STARD13: variants seen among roughly 807,000 people sequenced by gnomAD.
STARD13 encodes the protein StAR related lipid transfer domain containing 13.
Under a neutral mutation model 106.4 loss-of-function variants are expected in STARD13, and 62 were observed. The ratio of observed to expected loss-of-function variants is 0.58; its 90% CI spans 0.48 to 0.72. The LOEUF is 0.72. Among genes scored for constraint, STARD13 ranks in the 30% least tolerant of loss-of-function variants. The probability of loss-of-function intolerance (pLI) is 0.00; values close to 1 mark genes in which losing one functional copy is unlikely to be tolerated. For synonymous variants in STARD13, 565 were observed against 553.0 expected, an observed-to-expected ratio of 1.02 and a Z score of -0.31; for missense variants, 1,387 against 1,424.0, an observed-to-expected ratio of 0.97 and a Z score of 0.42.
intron 1 of STARD13, among the ~76,000 whole-genome samples, chr13:33,262,116 G>T (rs1334346428): frequency 6.6e-6 from 1 of 152,180 alleles, no homozygotes; most frequent in Non-Finnish European, 1.5e-5. Flanking sequence ...TTTCACTGGA[G>T]ATAACATTTG....
chr13:33,285,670 G>A lies in STARD13; in HGVS notation c.-32C>T. The A allele has an allele frequency of 6.2e-7, 1 of 1,608,158 alleles. No homozygotes were observed. The highest frequency in any genetic ancestry group is 8.5e-7 in the Non-Finnish European group (1 of 1,178,002). ...AGATTTCCTATTGCCACCTCAGTCT[G>A]CCTGTGGCTGTTGCCGTCTGTCTCC... is the stretch of plus-strand genomic sequence containing the variant. On this transcript the variant is annotated 5_prime_UTR_variant, in exon 1 of 14. Transcript: ENST00000336934.
intron 1 of STARD13, among the ~76,000 whole-genome samples, chr13:33,298,874 T>G (rs2138456738): frequency 6.6e-6 from 1 of 152,330 alleles, no homozygotes; most frequent in Non-Finnish European, 1.5e-5. Context: ...AAACTCTCTT[T>G]ATAGCTATCC....
chr13:33,421,281 A>G, the STARD13 span, among the ~76,000 whole-genome samples: 1 of 152,380 alleles, frequency 6.6e-6, no homozygotes, highest in Non-Finnish European at 1.5e-5. Context: ...CTGATCCCAC[A>G]GAAATATGAA....
chr13:33,440,767 ATTTTTTTTT>A, the STARD13 span, among the ~76,000 whole-genome samples: 5 of 60,100 alleles, frequency 8.3e-5, no homozygotes, highest in Non-Finnish European at 1.2e-4. Flanking sequence ...GAAAACAGCG[ATTTTTTTTT>A]TTTTTTTTTT....
intron 1 of STARD13, among the ~76,000 whole-genome samples, chr13:33,170,700 A>G (rs1241375653): frequency 6.6e-6 from 1 of 151,992 alleles, no homozygotes; most frequent in Non-Finnish European, 1.5e-5. Context: ...CCTATACCCA[A>G]CTTGCCATTC....
the STARD13 span, among the ~76,000 whole-genome samples, chr13:33,547,269 C>G: frequency 6.6e-6 from 1 of 152,122 alleles, no homozygotes; most frequent in Admixed American, 6.5e-5. Flanking sequence ...TAAATATGTT[C>G]CTATGCCAGG....
intron 1 of STARD13, among the ~76,000 whole-genome samples, chr13:33,303,043 C>A (rs1309282092): frequency 6.6e-6 from 1 of 152,192 alleles, no homozygotes. Context: ...CCTGCTCTCA[C>A]AGCCTGTGAG....
the STARD13 span, among the ~76,000 whole-genome samples, chr13:33,555,579 G>A: frequency 3.3e-5 from 5 of 152,132 alleles, no homozygotes; most frequent in African/African-American, 7.2e-5. Flanking sequence ...ACAGCTGTTC[G>A]TTCCTCTGTA....
chr13:33,106,876 G>A lies in STARD13; in HGVS notation c.3106C>T (p.His1036Tyr), dbSNP rs1469536933. The A allele has an allele frequency of 6.2e-7, 1 of 1,614,074 alleles. No individual in the cohort carries two copies. The highest frequency in any genetic ancestry group is 1.3e-5 in the African/African-American group (1 of 74,934). Residue 1036 changes from histidine to tyrosine, a missense_variant, in exon 13 of 14, where the codon CAT (histidine) becomes TAT (tyrosine). By Grantham distance (83) the His-to-Tyr change is moderately conservative. Coordinates refer to ENST00000336934, the MANE Select transcript of STARD13 (RefSeq NM_178006.4). ...CCACCCAGGAGCTGGGCTTCCTCAT[G>A]CTCCACGGAGAGGGACACCAGGGTA... The part of the protein sequence containing the change: ...MCTLVSLSVE[H>Y]EEAQLLGGVR...
At chr13:33,334,750 T>C (rs187518617) in intron 1 of STARD13, among the ~76,000 whole-genome samples, 78 of 152,094 alleles carry the variant, frequency 5.1e-4, no homozygotes, top group African/African-American at 1.6e-3. Context: ...GAGCCTGAAA[T>C]AGAGTTTAGA....
chr13:33,499,519 T>TTCTTTCTTTCTTTCTTCTTC, the STARD13 span, among the ~76,000 whole-genome samples: 3 of 91,978 alleles, frequency 3.3e-5, no homozygotes, highest in South Asian at 3.9e-4. Flanking sequence ...TTCTTCTTTC[T>TTCTTTCTTTCTTTCTTCTTC]TTCTTCTTCT....
At chr13:33,297,948 C>T (rs1399909079) in intron 1 of STARD13, among the ~76,000 whole-genome samples, 1 of 152,006 alleles carries the variant, frequency 6.6e-6, no homozygotes, top group African/African-American at 2.4e-5. Flanking sequence ...AAAATAATTT[C>T]ATCTAAGAAA....
intron 1 of STARD13, among the ~76,000 whole-genome samples, chr13:33,215,122 G>T (rs535372596): frequency 1.4e-3 from 171 of 126,028 alleles, no homozygotes; most frequent in Middle Eastern, 0.012. Flanking sequence ...GAGTACTTGG[G>T]GGGGGGGGTG....
the STARD13 span, among the ~76,000 whole-genome samples, chr13:33,486,369 C>T: frequency 5.3e-5 from 8 of 152,164 alleles, no homozygotes; most frequent in African/African-American, 1.9e-4. Flanking sequence ...TAGTACCAAC[C>T]CCTATATAAA....
At chr13:33,493,229 T>G in the STARD13 span, among the ~76,000 whole-genome samples, 5 of 152,268 alleles carry the variant, frequency 3.3e-5, no homozygotes, top group Middle Eastern at 0.01. Context: ...CAGAGCCTCC[T>G]TGCGGAACCA....
chr13:33,459,628 G>A, the STARD13 span, among the ~76,000 whole-genome samples: 3 of 152,222 alleles, frequency 2.0e-5, no homozygotes, highest in East Asian at 3.9e-4. Flanking sequence ...AGGTGAAATC[G>A]TATGATAGGT....
At chr13:33,247,451 G>A (rs1001458031) in intron 1 of STARD13, among the ~76,000 whole-genome samples, 3 of 149,752 alleles carry the variant, frequency 2.0e-5, no homozygotes, top group Admixed American at 6.7e-5. Context: ...CAATGCCGTC[G>A]CCAGGACAAC....
intron 8 of STARD13, among the ~76,000 whole-genome samples, chr13:33,115,800 T>C (rs757523492): frequency 2.0e-5 from 3 of 152,204 alleles, no homozygotes; most frequent in African/African-American, 4.8e-5. Context: ...GTGGTCACTC[T>C]CTTCTTGTCT....
chr13:33,290,182 T>C (rs1227508900), upstream of STARD13, among the ~76,000 whole-genome samples: 1 of 152,190 alleles, frequency 6.6e-6, no homozygotes, highest in African/African-American at 2.4e-5. Context: ...CTGCCCTTTC[T>C]ACTCCTTCAC....
Sources: gnomAD v4.1 joint callset for allele counts (sites outside exome capture counted in the v4.1 genomes callset) on GRCh38, gnomAD v4.1.1 for gene constraint, MANE v1.5 for transcripts, NCBI Gene and HGNC (gene_info 2026-07-23, HGNC 2026-07-21) for gene names.